CADM1: variants seen among roughly 807,000 people sequenced by gnomAD.
CADM1 encodes TSLC-1.
A neutral mutation model predicts 53.1 loss-of-function variants in CADM1; 15 were observed. The ratio of observed to expected loss-of-function variants is 0.28; its 90% CI spans 0.19 to 0.44. The LOEUF is 0.44. Ranked by LOEUF, CADM1 falls within the 20% of genes least tolerant of loss-of-function variation. The pLI is 1.00. For synonymous variants in CADM1, 281 were observed against 243.0 expected, an observed-to-expected ratio of 1.16 and a Z score of -1.45; for missense variants, 434 against 611.3, an observed-to-expected ratio of 0.71 and a Z score of 3.06.
At chr11:115,221,079 C>T (rs1445707088) in intron 5 of CADM1, among the ~76,000 whole-genome samples, 6 of 152,174 alleles carry the variant, frequency 3.9e-5, no homozygotes, top group African/African-American at 9.7e-5. Context: ...TTTTACGCCT[C>T]GGTTGGTGTT....
At chr11:115,436,160 C>A (rs1948178567) in intron 1 of CADM1, among the ~76,000 whole-genome samples, 1 of 152,158 alleles carries the variant, frequency 6.6e-6, no homozygotes, top group South Asian at 2.1e-4. Context: ...TATATAAATA[C>A]ACACATACAT....
chr11:115,364,556 G>GA (rs34213884), intron 1 of CADM1, among the ~76,000 whole-genome samples: 127,933 of 149,736 alleles, frequency 0.85, 54,728 homozygotes, highest in East Asian at 0.99. Context: ...GCACTAGGAA[G>GA]AAAAAAAAAA....
intron 1 of CADM1, among the ~76,000 whole-genome samples, chr11:115,501,058 T>TC (rs947918350): frequency 3.9e-5 from 6 of 152,118 alleles, no homozygotes; most frequent in Non-Finnish European, 7.4e-5. Flanking sequence ...GCTCTTTTAT[T>TC]CCCCCCCTTT....
intron 1 of CADM1, among the ~76,000 whole-genome samples, chr11:115,265,716 C>T (rs1162851429): frequency 6.6e-6 from 1 of 152,122 alleles, no homozygotes; most frequent in Non-Finnish European, 1.5e-5. Flanking sequence ...GGTGGGAAAT[C>T]ATAAAAAGAG....
chr11:115,288,888 T>C (rs1389701098), intron 1 of CADM1, among the ~76,000 whole-genome samples: 6 of 152,182 alleles, frequency 3.9e-5, no homozygotes, highest in African/African-American at 4.8e-5. Context: ...CCTTCTCCAC[T>C]GGAGGCAGAT....
intron 8 of CADM1, among the ~76,000 whole-genome samples, 156 bp downstream of exon 8, chr11:115,209,418 C>A (rs1940842538): frequency 6.6e-6 from 1 of 152,170 alleles, no homozygotes; most frequent in East Asian, 1.9e-4. Flanking sequence ...CCTTAAGATT[C>A]AACTTAAGAA....
At chr11:115,437,040 C>T (rs748209915) in intron 1 of CADM1, among the ~76,000 whole-genome samples, 1 of 152,200 alleles carries the variant, frequency 6.6e-6, no homozygotes, top group Non-Finnish European at 1.5e-5. Context: ...GTGAGTAAAA[C>T]GTCTGTTAGA....
intron 8 of CADM1, among the ~76,000 whole-genome samples, chr11:115,203,650 A>T (rs1940542150): frequency 6.6e-6 from 1 of 152,286 alleles, no homozygotes; most frequent in South Asian, 2.1e-4. Flanking sequence ...GATTATTTTT[A>T]AAATAAAGAG....
Position 115,349,248 on chromosome 11 carries a change from C to G in CADM1, c.125-108828G>C, listed in dbSNP as rs375227182. Among the ~76,000 whole-genome samples, 105 of 152,258 alleles carry G rather than the reference C, an allele frequency of 6.9e-4. 1 individual carries two copies. In the Middle Eastern group the frequency reaches 0.01, roughly 15 times the overall value. On this transcript the variant is annotated intron_variant, in intron 1 of 11. Coordinates refer to ENST00000331581, the MANE Select transcript of CADM1 (RefSeq NM_001301043.2). Reference sequence around the variant, plus strand: ...GTGGTTAGGATGTCAGAAAAATATACTTTAAAAATCAAGACTAAAATATAA... The same window carrying G: ...GTGGTTAGGATGTCAGAAAAATATAGTTTAAAAATCAAGACTAAAATATAA...
intron 1 of CADM1, among the ~76,000 whole-genome samples, chr11:115,452,591 G>A (rs557290668): frequency 2.6e-5 from 4 of 152,148 alleles, no homozygotes; most frequent in Admixed American, 6.6e-5. Context: ...ATTTCCAGAG[G>A]GAAGTGAGCT....
intron 1 of CADM1, among the ~76,000 whole-genome samples, chr11:115,407,229 G>A (rs1947339459): frequency 6.6e-6 from 1 of 152,174 alleles, no homozygotes; most frequent in Non-Finnish European, 1.5e-5. Flanking sequence ...ACTTTTCCAA[G>A]ACTGCGGGTG....
At chr11:115,411,064 A>G (rs926712265) in intron 1 of CADM1, among the ~76,000 whole-genome samples, 2 of 152,256 alleles carry the variant, frequency 1.3e-5, no homozygotes, top group African/African-American at 4.8e-5. Flanking sequence ...AAATCAGCAT[A>G]GAGCCCAGCT....
intron 1 of CADM1, among the ~76,000 whole-genome samples, chr11:115,349,179 G>T (rs1468973143): frequency 6.6e-6 from 1 of 152,080 alleles, no homozygotes; most frequent in Non-Finnish European, 1.5e-5. Context: ...AAATTCAGCC[G>T]CATCCCAGTA....
At chr11:115,261,908 T>C in intron 1 of CADM1, among the ~76,000 whole-genome samples, 1 of 151,916 alleles carries the variant, frequency 6.6e-6, no homozygotes, top group East Asian at 1.9e-4. Flanking sequence ...GCCTCCTGAG[T>C]AGCTGGGATT....
intron 1 of CADM1, among the ~76,000 whole-genome samples, chr11:115,396,308 G>GA (rs1946994649): frequency 6.6e-6 from 1 of 152,050 alleles, no homozygotes; most frequent in African/African-American, 2.4e-5. Context: ...AAGAAAACCA[G>GA]AAAAAATGGT....
chr11:115,379,248 C>T (rs562237716), intron 1 of CADM1, among the ~76,000 whole-genome samples: 1 of 152,192 alleles, frequency 6.6e-6, no homozygotes, highest in South Asian at 2.1e-4. Flanking sequence ...TCTGGCTTTG[C>T]CAATCTACTA....
intron 8 of CADM1, among the ~76,000 whole-genome samples, chr11:115,202,717 T>C (rs1940491785): frequency 6.6e-6 from 1 of 152,192 alleles, no homozygotes; most frequent in South Asian, 2.1e-4. Flanking sequence ...ATGGGTTTTC[T>C]TAATTGAATT....
intron 1 of CADM1, among the ~76,000 whole-genome samples, chr11:115,323,001 G>A (rs1296847304): frequency 1.3e-5 from 2 of 152,028 alleles, no homozygotes; most frequent in East Asian, 1.9e-4. Flanking sequence ...GACACTTTGA[G>A]GAACTGTCAA....
At chr11:115,484,403 C>G (rs933908574) in intron 1 of CADM1, among the ~76,000 whole-genome samples, 7 of 152,186 alleles carry the variant, frequency 4.6e-5, no homozygotes, top group African/African-American at 1.7e-4. Context: ...TTAAAAGCTG[C>G]ACATGTCCAG....
Sources: allele counts gnomAD v4.1 joint callset (sites outside exome capture counted in the v4.1 genomes callset), GRCh38; gene constraint gnomAD v4.1.1; transcripts MANE v1.5; gene names NCBI Gene and HGNC (gene_info 2026-07-23, HGNC 2026-07-21).